PRKG1: variants seen among roughly 807,000 people sequenced by gnomAD.
The protein encoded by PRKG1 is protein kinase cGMP-dependent 1, also known as cGMP-dependent protein kinase 1.
PRKG1 carries 35 observed loss-of-function variants against 88.1 expected under a neutral mutation model. That is an observed-to-expected ratio of 0.40 (90% CI 0.30 to 0.53). The LOEUF (loss-of-function observed/expected upper bound fraction) is 0.53, where lower values mean the gene tolerates loss of function less well. PRKG1 is among the 20% of genes least tolerant of loss of function. PRKG1 has a pLI of 0.59. For missense variants in PRKG1, 540 were observed against 839.8 expected, an observed-to-expected ratio of 0.64 and a Z score of 4.41; for synonymous variants, 303 against 292.5, an observed-to-expected ratio of 1.04 and a Z score of -0.37.
intron 2 of PRKG1, among the ~76,000 whole-genome samples, chr10:51,417,711 G>A (rs1215448631): frequency 2.0e-5 from 3 of 151,944 alleles, no homozygotes; most frequent in Non-Finnish European, 4.4e-5. Context: ...TGCCATTTTT[G>A]GTATGTGATT....
At chr10:52,033,647 A>G (rs1181495999) in intron 5 of PRKG1, among the ~76,000 whole-genome samples, 2 of 152,146 alleles carry the variant, frequency 1.3e-5, no homozygotes, top group African/African-American at 2.4e-5. Context: ...TGAATTCAGA[A>G]ACTCTAAAGT....
rs115355113 is a variant in PRKG1, at chr10:51,675,462, A to G, written c.593-129123A>G. ...ACATCATCCATCAAGGGAAAAGTTT[A>G]AACACCATTAAGTCTAAAAAATAAG... On this transcript the variant is annotated intron_variant, in intron 3 of 17. Coordinates refer to ENST00000373980, the MANE Select transcript of PRKG1 (RefSeq NM_006258.4). 2.1e-3 allele frequency among the ~76,000 whole-genome samples: 314 copies of G among 152,302 alleles called. 2 individuals are homozygous for G. The highest frequency in any genetic ancestry group is 7.1e-3 in the African/African-American group (295 of 41,578).
chr10:52,032,381 C>G (rs2133211702), intron 5 of PRKG1, among the ~76,000 whole-genome samples: 1 of 152,234 alleles, frequency 6.6e-6, no homozygotes, highest in East Asian at 1.9e-4. Flanking sequence ...TCAACCTGTT[C>G]AAGTTTCTGT....
In PRKG1 at chr10:52,282,237, A is replaced by G; in HGVS notation, c.1630A>G (p.Ile544Val). The change falls in exon 14 of 18, where the codon ATC becomes GTC. Residue 544 changes from isoleucine to valine, a missense_variant. This residue lies in a region of PRKG1 where 97 missense variants were observed against 210.6 expected (regional missense o/e 0.46). Coordinates refer to ENST00000373980, the MANE Select transcript of PRKG1 (RefSeq NM_006258.4). Reference sequence around the variant, plus strand: ...GACTCCAGAGTATGTAGCCCCAGAGATCATCCTGAACAAAGGCCATGACAT... The same window carrying G: ...GACTCCAGAGTATGTAGCCCCAGAGGTCATCCTGAACAAAGGCCATGACAT... ...CGTPEYVAPE[I>V]ILNKGHDISA... is the part of the protein sequence containing the mutation. 1 of 1,612,394 alleles carries G rather than the reference A, an allele frequency of 6.2e-7. No individual in the cohort carries two copies. The highest frequency in any genetic ancestry group is 8.5e-7 in the Non-Finnish European group (1 of 1,178,934).
chr10:51,397,165 C>T (rs563549993), intron 2 of PRKG1, among the ~76,000 whole-genome samples: 5 of 135,092 alleles, frequency 3.7e-5, no homozygotes, highest in African/African-American at 1.1e-4. Flanking sequence ...AAATTTTGTG[C>T]TCTGGGTGAG....
At chr10:52,163,225 T>TTGTGTGTGTGTGTGTG (rs150295348) in intron 9 of PRKG1, among the ~76,000 whole-genome samples, 2 of 146,814 alleles carry the variant, frequency 1.4e-5, no homozygotes, top group African/African-American at 5.0e-5. Context: ...TTTCGTGTGT[T>TTGTGTGTGTGTGTGTG]TGTGTGTGTG....
chr10:51,719,998 A>G (rs1461083553), intron 3 of PRKG1, among the ~76,000 whole-genome samples: 1 of 152,144 alleles, frequency 6.6e-6, no homozygotes, highest in East Asian at 1.9e-4. Context: ...TGGGAAGGGT[A>G]CATATTTGAA....
At chr10:52,140,385 C>A (rs1221224197) in intron 8 of PRKG1, among the ~76,000 whole-genome samples, 1 of 152,144 alleles carries the variant, frequency 6.6e-6, no homozygotes, top group Non-Finnish European at 1.5e-5. Context: ...CAAACACTGG[C>A]AGGCATGCTT....
At position 51,603,466 on chromosome 10, in the gene PRKG1, G is replaced by A. The variant is rs565314097; in HGVS notation, c.592+135630G>A. On this transcript the variant is annotated intron_variant, in intron 3 of 17. Transcript: ENST00000373980. ...TGTAGGTGAAGAGGATAGGGAAAGC[G>A]CTATCCCTTTCCTGGAGTTCAATTC... 1.0e-3 allele frequency among the ~76,000 whole-genome samples: 158 copies of A among 152,270 alleles called. 3 individuals carry two copies. In the Middle Eastern group the frequency reaches 0.041, roughly 39 times the overall value.
intron 3 of PRKG1, among the ~76,000 whole-genome samples, chr10:51,648,208 G>C (rs963893314): frequency 5.3e-5 from 8 of 152,102 alleles, no homozygotes; most frequent in Admixed American, 3.9e-4. Flanking sequence ...TAAATGATAA[G>C]TCATACAAAA....
rs1255910423 is a variant in PRKG1 at position 51,217,776 on chromosome 10, T to C, written c.478+64446T>C. Among the ~76,000 whole-genome samples the C allele has an allele frequency of 2.0e-5, 3 of 152,168 alleles. No individual in the cohort carries two copies. The East Asian group carries it at 5.8e-4, about 29-fold the overall frequency. Reference sequence around the variant, plus strand: ...CTTGTAAACACTCCTGTGCAGTTATTTGAATTCAGATCTGATTATGGATGG... The same window carrying C: ...CTTGTAAACACTCCTGTGCAGTTATCTGAATTCAGATCTGATTATGGATGG... On this transcript the variant is annotated intron_variant, in intron 2 of 17. Transcript: ENST00000373980.
At chr10:52,292,785 C>A (rs1396730281) in intron 17 of PRKG1, among the ~76,000 whole-genome samples, 1 of 151,836 alleles carries the variant, frequency 6.6e-6, no homozygotes, top group African/African-American at 2.4e-5. Context: ...CTATCTATGA[C>A]AAACCCACAG....
At chr10:51,309,469 A>G (rs770299927) in intron 2 of PRKG1, among the ~76,000 whole-genome samples, 3 of 152,218 alleles carry the variant, frequency 2.0e-5, no homozygotes, top group Non-Finnish European at 2.9e-5. Context: ...AAGATATACA[A>G]ATGGTCAGCA....
chr10:51,052,948 G>C (rs931395203), intron 1 of PRKG1, among the ~76,000 whole-genome samples: 2 of 152,184 alleles, frequency 1.3e-5, no homozygotes, highest in Non-Finnish European at 2.9e-5. Context: ...AAAAAGTCAT[G>C]GCCAGTTGCC....
At chr10:52,007,398 A>G (rs1844765680) in intron 5 of PRKG1, among the ~76,000 whole-genome samples, 1 of 152,176 alleles carries the variant, frequency 6.6e-6, no homozygotes, top group Non-Finnish European at 1.5e-5. Context: ...ATATACAATA[A>G]CATTCTTAGG....
intron 2 of PRKG1, among the ~76,000 whole-genome samples, chr10:51,225,471 A>G (rs1429927738): frequency 6.6e-6 from 1 of 152,198 alleles, no homozygotes; most frequent in Non-Finnish European, 1.5e-5. Flanking sequence ...AGAAAGGTCT[A>G]CCAGGAACCC....
In PRKG1 at chr10:51,456,948, A is replaced by C. The variant is rs74819072; in HGVS notation, c.479-10775A>C. ...CAGTCAAAAAACATTAAACGTTGGC[A>C]TGGATGTGGTGAAAAGGCAACACTT... On this transcript the variant is annotated intron_variant, in intron 2 of 17. Transcript: ENST00000373980. Among the ~76,000 whole-genome samples, 604 of 152,322 alleles carry C rather than the reference A, an allele frequency of 4.0e-3. 4 individuals carry two copies. Among genetic ancestry groups the C allele is most frequent in the Middle Eastern group, 0.01 (3 of 294 alleles).
At chr10:51,263,743 C>T (rs1839773685) in intron 2 of PRKG1, among the ~76,000 whole-genome samples, 1 of 152,054 alleles carries the variant, frequency 6.6e-6, no homozygotes, top group African/African-American at 2.4e-5. Context: ...TTTAAATTTC[C>T]TGCTGATTTA....
At chr10:51,337,048 G>C (rs1202177454) in intron 2 of PRKG1, among the ~76,000 whole-genome samples, 1 of 152,148 alleles carries the variant, frequency 6.6e-6, no homozygotes, top group Non-Finnish European at 1.5e-5. Flanking sequence ...GCATGGTACT[G>C]TTACAAAAGC....
Sources: gnomAD v4.1 joint callset for allele counts (sites outside exome capture counted in the v4.1 genomes callset) on GRCh38, gnomAD v4.1.1 for gene constraint, gnomAD v4.1.1 regional missense constraint, MANE v1.5 for transcripts, NCBI Gene and HGNC (gene_info 2026-07-23, HGNC 2026-07-21) for gene names.